R3HCC1L: variants seen among roughly 807,000 people sequenced by gnomAD.
R3HCC1L encodes the protein R3H domain and coiled-coil containing 1 like, also known as coiled-coil domain-containing protein R3HCC1L.
In R3HCC1L, 51 loss-of-function variants were observed where a neutral mutation model predicts 59.9. That is an observed-to-expected ratio of 0.85 (90% CI 0.68 to 1.07). The LOEUF is 1.07. Among genes scored for constraint, R3HCC1L ranks in the 50% least tolerant of loss-of-function variants. The pLI is 0.00. For synonymous variants in R3HCC1L, 322 were observed against 315.2 expected (o/e 1.02, Z -0.23); for missense variants, 965 against 933.0 (o/e 1.03, Z -0.45).
At chr10:98,232,129 C>T (rs1856467084) in intron 6 of R3HCC1L, among the ~76,000 whole-genome samples, 1 of 152,142 alleles carries the variant, frequency 6.6e-6, no homozygotes, top group African/African-American at 2.4e-5. Flanking sequence ...GCTGGGACCA[C>T]AGGTGTGTGT....
chr10:98,200,128 A>G (rs964223625), intron 4 of R3HCC1L, among the ~76,000 whole-genome samples: 3 of 152,078 alleles, frequency 2.0e-5, no homozygotes, highest in African/African-American at 7.2e-5. Context: ...GCCAGAATCA[A>G]AGGATGTTGC....
chr10:98,154,305 CATTTT>C (rs1437182091), intron 1 of R3HCC1L, among the ~76,000 whole-genome samples: 2 of 151,612 alleles, frequency 1.3e-5, no homozygotes, highest in South Asian at 2.1e-4. Context: ...GTACACGTGT[CATTTT>C]ATTACCCTTT....
intron 4 of R3HCC1L, among the ~76,000 whole-genome samples, chr10:98,167,080 T>TA (rs1465263799): frequency 6.6e-6 from 1 of 152,200 alleles, no homozygotes; most frequent in Non-Finnish European, 1.5e-5. Flanking sequence ...TACCCATCTT[T>TA]AACAATTATC....
chr10:98,201,858 G>A (rs1454578038), intron 4 of R3HCC1L, among the ~76,000 whole-genome samples: 2 of 150,112 alleles, frequency 1.3e-5, no homozygotes, highest in Non-Finnish European at 3.0e-5. Context: ...TTTCTTTATT[G>A]ACCAATGACT....
intron 4 of R3HCC1L, among the ~76,000 whole-genome samples, chr10:98,201,912 G>A (rs112093200): frequency 3.6e-4 from 54 of 148,604 alleles, no homozygotes; most frequent in African/African-American, 1.3e-3. Context: ...AAAGAGACGG[G>A]GTCTCACTAC....
chr10:98,144,233 C>G (rs1427906595), intron 1 of R3HCC1L, among the ~76,000 whole-genome samples: 2 of 151,808 alleles, frequency 1.3e-5, no homozygotes, highest in South Asian at 4.1e-4. Flanking sequence ...CATTCATTCC[C>G]GAGATGGAGT....
At chr10:98,199,822 T>A (rs1243383927) in intron 4 of R3HCC1L, among the ~76,000 whole-genome samples, 1 of 152,076 alleles carries the variant, frequency 6.6e-6, no homozygotes, top group Non-Finnish European at 1.5e-5. Flanking sequence ...AAATTTAAAT[T>A]GTAACTGCAG....
chr10:98,218,492 A>C (rs531647464), intron 5 of R3HCC1L, among the ~76,000 whole-genome samples: 1 of 152,254 alleles, frequency 6.6e-6, no homozygotes, highest in Non-Finnish European at 1.5e-5. Context: ...ATTAAAAAAA[A>C]CTTTTGTTTC....
chr10:98,235,378 C>T (rs374262205), intron 7 of R3HCC1L, 47 bp from the exon 8 acceptor site: 278 of 1,520,550 alleles, frequency 1.8e-4, no homozygotes, highest in Non-Finnish European at 2.5e-4. Flanking sequence ...TTTTCCTTTG[C>T]ATCACTCTAC....
At chr10:98,135,345 T>C (rs1054274380) in intron 1 of R3HCC1L, among the ~76,000 whole-genome samples, 25 of 152,246 alleles carry the variant, frequency 1.6e-4, no homozygotes. Flanking sequence ...TGGCTGGACC[T>C]GTGATCTTTT....
Position 98,208,425 on chromosome 10 carries a change from T to A in R3HCC1L, c.311T>A (p.Val104Asp), listed in dbSNP as rs374768883. 73 of 1,613,622 alleles carry A rather than the reference T, an allele frequency of 4.5e-5. No individual in the cohort carries two copies. Among genetic ancestry groups the A allele is most frequent in the Non-Finnish European group, 6.0e-5 (71 of 1,179,936 alleles). ...ACATGCCTTCAAAAAACAAATAGAG[T>A]TTGTTCTAAGAGAGGAACCACTGAA... ...MDTCLQKTNR[V>D]CSKRGTTESK... Residue 104 changes from valine (V) to aspartate (D), a missense_variant, in exon 5 of 10, where the codon GTT becomes GAT. Physicochemically the swap from Val to Asp is radical, Grantham distance 152 (BLOSUM62 -3). Coordinates refer to ENST00000298999, the MANE Select transcript of R3HCC1L (RefSeq NM_001351015.2).
intron 1 of R3HCC1L, among the ~76,000 whole-genome samples, chr10:98,150,090 C>T (rs1188970430): frequency 2.0e-5 from 3 of 152,156 alleles, no homozygotes; most frequent in Admixed American, 2.0e-4. Flanking sequence ...TTGAGAGCCT[C>T]TAATGACTTT....
rs542244809 is a variant in R3HCC1L at position 98,136,328 on chromosome 10, A to G, written c.-268+1622A>G. 1.2e-3 allele frequency among the ~76,000 whole-genome samples: 186 copies of G among 152,290 alleles called. 1 individual carries two copies. Among genetic ancestry groups the G allele is most frequent in the Non-Finnish European group, 2.1e-3 (141 of 68,016 alleles). On this transcript the variant is annotated intron_variant, in intron 1 of 9. Transcript: ENST00000298999. ...TACAAATTCGAGCAAATTTGAGTTC[A>G]AGTCCTGGTGCTGTGTCTTACTACA...
At chr10:98,205,471 T>TA (rs1346011634) in intron 4 of R3HCC1L, among the ~76,000 whole-genome samples, 5 of 152,100 alleles carry the variant, frequency 3.3e-5, no homozygotes, top group Non-Finnish European at 7.4e-5. Flanking sequence ...ATATTGTAAC[T>TA]AAAAAAAAGT....
chr10:98,225,926 G>A (rs895162705), intron 5 of R3HCC1L, among the ~76,000 whole-genome samples: 6 of 151,746 alleles, frequency 4.0e-5, no homozygotes, highest in African/African-American at 1.5e-4. Flanking sequence ...CTGCAGCCTC[G>A]ACCTCCCGGA....
At chr10:98,197,398 G>A (rs1180930947) in intron 4 of R3HCC1L, among the ~76,000 whole-genome samples, 1 of 152,134 alleles carries the variant, frequency 6.6e-6, no homozygotes, top group African/African-American at 2.4e-5. Context: ...TAACTCCTCA[G>A]TGTGGTCTTC....
In R3HCC1L at chr10:98,209,548, T is replaced by A; in HGVS notation, c.1434T>A (p.Ile478=). The A allele has an allele frequency of 6.2e-7, 1 of 1,613,916 alleles. No individual in the cohort carries two copies. The highest frequency in any genetic ancestry group is 8.5e-7 in the Non-Finnish European group (1 of 1,179,960). Residue 478 remains isoleucine, a synonymous_variant, in exon 5 of 10, where the codon ATT becomes ATA. Coordinates refer to ENST00000298999, the MANE Select transcript of R3HCC1L (RefSeq NM_001351015.2). ...CTTCCTCCTTACCTATAAAAAAGAT[T>A]GCTGGTAGTAATTATAACACTTTTT... is the stretch of plus-strand genomic sequence containing the variant. ...DCASSLPIKK[I]AGSNYNTFLD... is the part of the protein sequence containing the mutation.
At chr10:98,145,174 G>A (rs1845535070) in intron 1 of R3HCC1L, among the ~76,000 whole-genome samples, 1 of 152,212 alleles carries the variant, frequency 6.6e-6, no homozygotes, top group Non-Finnish European at 1.5e-5. Context: ...TTTGACTAAG[G>A]CTGCCTTGGC....
chr10:98,182,100 T>G (rs1024807667), intron 4 of R3HCC1L, among the ~76,000 whole-genome samples: 5 of 152,188 alleles, frequency 3.3e-5, no homozygotes. Context: ...GCGCTCTGGT[T>G]TTTAGAATTT....
Sources: gnomAD v4.1 joint callset for allele counts (sites outside exome capture counted in the v4.1 genomes callset) on GRCh38, gnomAD v4.1.1 for gene constraint, MANE v1.5 for transcripts, NCBI Gene and HGNC (gene_info 2026-07-23, HGNC 2026-07-21) for gene names.